Variants in ELP4 observed in about 807,000 individuals in gnomAD.
The protein encoded by ELP4 is elongator complex protein 4.
A neutral mutation model predicts 48.9 loss-of-function variants in ELP4; 51 were observed. That is an observed-to-expected ratio of 1.04 (90% confidence interval 0.83 to 1.32). The LOEUF (loss-of-function observed/expected upper bound fraction) is 1.32. ELP4 is among the 40% of genes most tolerant of loss of function. The pLI is 0.00. For missense variants in ELP4, 519 were observed against 514.6 expected (o/e 1.01, Z -0.08); for synonymous variants, 210 against 189.2 (o/e 1.11, Z -0.90).
intron 9 of ELP4, among the ~76,000 whole-genome samples, chr11:31,718,016 C>CA (rs1406128828): frequency 6.6e-6 from 1 of 152,078 alleles, no homozygotes; most frequent in African/African-American, 2.4e-5. Flanking sequence ...AGGCTGGTCT[C>CA]AAACTCCTCA....
intron 3 of ELP4, among the ~76,000 whole-genome samples, chr11:31,559,642 C>G (rs960895444): frequency 2.0e-5 from 3 of 152,000 alleles, no homozygotes; most frequent in Non-Finnish European, 2.9e-5. Context: ...GGCGGCTCAC[C>G]CCTGTAATCC....
At chr11:31,520,400 A>G (rs184328963) in intron 2 of ELP4, among the ~76,000 whole-genome samples, 24 of 152,310 alleles carry the variant, frequency 1.6e-4, no homozygotes, top group Admixed American at 1.6e-3. Context: ...CAGTATTTAA[A>G]GTGGGATTAT....
At chr11:31,544,983 C>A (rs1956673208) in intron 3 of ELP4, among the ~76,000 whole-genome samples, 1 of 152,012 alleles carries the variant, frequency 6.6e-6, no homozygotes, top group Admixed American at 6.6e-5. Context: ...AAAGGACATC[C>A]ACACCAAAAA....
intron 9 of ELP4, among the ~76,000 whole-genome samples, chr11:31,694,082 A>G (rs978005834): frequency 2.4e-4 from 37 of 152,104 alleles, no homozygotes; most frequent in Admixed American, 1.3e-3. Flanking sequence ...AGATGAGTAG[A>G]TTGCAAAAAT....
intron 9 of ELP4, among the ~76,000 whole-genome samples, chr11:31,716,626 G>C (rs1321243711): frequency 6.6e-6 from 1 of 152,158 alleles, no homozygotes; most frequent in African/African-American, 2.4e-5. Flanking sequence ...AATACATGTA[G>C]TTTCAGTTTC....
intron 6 of ELP4, among the ~76,000 whole-genome samples, chr11:31,629,189 T>C (rs1207318888): frequency 6.6e-6 from 1 of 151,970 alleles, no homozygotes; most frequent in East Asian, 1.9e-4. Flanking sequence ...ATCTTAGAAA[T>C]ATATGATAAA....
intron 7 of ELP4, among the ~76,000 whole-genome samples, chr11:31,634,726 C>G (rs762698734): frequency 7.9e-5 from 12 of 151,950 alleles, no homozygotes; most frequent in Admixed American, 1.3e-4. Flanking sequence ...TATATTTCAG[C>G]CCCTGTATAA....
rs188235603 is a variant in ELP4 at position 31,515,631 on chromosome 11, T to A, written c.224-4425T>A. Among the ~76,000 whole-genome samples the A allele has an allele frequency of 1.6e-3, 242 of 152,140 alleles. 1 individual carries two copies. Among genetic ancestry groups the A allele is most frequent in the Non-Finnish European group, 2.0e-3 (134 of 67,992 alleles). On this transcript the variant is annotated intron_variant, in intron 1 of 9. Transcript: ENST00000640961. Reference sequence around the variant, plus strand: ...GTGAACCATGATTGCACCACTGCACTCCAGTCTGAGCAACACAGCGACACC... The same window carrying A: ...GTGAACCATGATTGCACCACTGCACACCAGTCTGAGCAACACAGCGACACC...
chr11:31,667,930 A>T (rs1456289443), intron 9 of ELP4, among the ~76,000 whole-genome samples: 1 of 152,178 alleles, frequency 6.6e-6, no homozygotes, highest in Non-Finnish European at 1.5e-5. Flanking sequence ...TAATTATCTG[A>T]TCATTAAGTC....
At chr11:31,607,678 A>G (rs1431130802) in intron 5 of ELP4, among the ~76,000 whole-genome samples, 1 of 152,198 alleles carries the variant, frequency 6.6e-6, no homozygotes, top group African/African-American at 2.4e-5. Flanking sequence ...GTTCTTGAAT[A>G]TTGAGTTTGC....
intron 9 of ELP4, among the ~76,000 whole-genome samples, chr11:31,756,753 T>C (rs764004806): frequency 6.6e-6 from 1 of 152,242 alleles, no homozygotes; most frequent in Non-Finnish European, 1.5e-5. Context: ...AAGTTTTCCC[T>C]GCTTTTCTCC....
Position 31,641,335 on chromosome 11 carries a change from C to T in ELP4, c.928-6406C>T, listed in dbSNP as rs375876436. On this transcript the variant is annotated intron_variant, in intron 7 of 9. Transcript: ENST00000640961. ...AGAAAGAGATTGTGAAGTCTGTAGC[C>T]CAAGAATTTTTTTTCTTCAAGAAAG... Among the ~76,000 whole-genome samples, 4 of 151,680 alleles carry T rather than the reference C, an allele frequency of 2.6e-5. No homozygotes were observed. The East Asian group carries it at 7.8e-4, about 30-fold the overall frequency.
intron 9 of ELP4, among the ~76,000 whole-genome samples, chr11:31,746,074 A>G (rs1947583639): frequency 1.3e-5 from 2 of 152,254 alleles, no homozygotes; most frequent in South Asian, 2.1e-4. Flanking sequence ...AAAAGTGGGC[A>G]AAGGATCTGA....
chr11:31,525,620 C>T (rs147515214), intron 2 of ELP4, among the ~76,000 whole-genome samples: 3 of 152,202 alleles, frequency 2.0e-5, no homozygotes, highest in African/African-American at 7.2e-5. Context: ...ATATTTAGGA[C>T]TAGTGAGAAG....
At chr11:31,760,384 T>G (rs1947920812) in intron 9 of ELP4, among the ~76,000 whole-genome samples, 1 of 152,234 alleles carries the variant, frequency 6.6e-6, no homozygotes, top group Non-Finnish European at 1.5e-5. Context: ...ATGCCTCTAG[T>G]CCTTGAAAGA....
At chr11:31,750,298 G>A (rs1369620786) in intron 9 of ELP4, among the ~76,000 whole-genome samples, 5 of 152,232 alleles carry the variant, frequency 3.3e-5, no homozygotes, top group Non-Finnish European at 7.3e-5. Context: ...CAGCCTCAGT[G>A]TGGGTAGCAT....
chr11:31,624,026 T>G (rs1022426431), intron 5 of ELP4, among the ~76,000 whole-genome samples: 87 of 151,728 alleles, frequency 5.7e-4, no homozygotes, highest in African/African-American at 1.9e-3. Context: ...ACCTCACACC[T>G]GTTAGAATGA....
chr11:31,715,460 T>C (rs1455424681), intron 9 of ELP4, among the ~76,000 whole-genome samples: 1 of 152,210 alleles, frequency 6.6e-6, no homozygotes, highest in East Asian at 1.9e-4. Context: ...CCAAAAGACA[T>C]GCACACAGTT....
intron 3 of ELP4, among the ~76,000 whole-genome samples, chr11:31,572,591 A>G (rs989029786): frequency 1.3e-5 from 2 of 152,180 alleles, no homozygotes; most frequent in African/African-American, 2.4e-5. Context: ...ATGTTTATAG[A>G]GAGATTGTCT....
Sources: gnomAD v4.1 joint callset for allele counts (sites outside exome capture counted in the v4.1 genomes callset) on GRCh38, gnomAD v4.1.1 for gene constraint, MANE v1.5 for transcripts, NCBI Gene and HGNC (gene_info 2026-07-23, HGNC 2026-07-21) for gene names.